PON1: variants seen among roughly 807,000 people sequenced by gnomAD.
PON1 encodes serum paraoxonase/arylesterase 1.
A neutral mutation model predicts 39.2 loss-of-function variants in PON1; 37 were observed. The observed-to-expected ratio is 0.94, with a 90% confidence interval of 0.73 to 1.24. The LOEUF is 1.24. Among genes scored for constraint, PON1 ranks in the 50% most tolerant of loss-of-function variants. The pLI is 0.00. For synonymous variants in PON1, 148 were observed against 152.2 expected (o/e 0.97, Z 0.21); for missense variants, 397 against 413.5 (o/e 0.96, Z 0.35).
At chr7:95,311,010 A>G (rs1296736548) in intron 5 of PON1, among the ~76,000 whole-genome samples, 1 of 152,224 alleles carries the variant, frequency 6.6e-6, no homozygotes, top group African/African-American at 2.4e-5. Context: ...CGGAGGCAGT[A>G]TAAGGAGGTC....
intron 8 of PON1, among the ~76,000 whole-genome samples, chr7:95,301,573 C>T (rs1807421959): frequency 6.6e-6 from 1 of 152,114 alleles, no homozygotes; most frequent in Non-Finnish European, 1.5e-5. Flanking sequence ...TCATTTCCTC[C>T]CTCCCTTGCT....
intron 5 of PON1, among the ~76,000 whole-genome samples, chr7:95,310,495 TG>T (rs1807629733): frequency 6.6e-6 from 1 of 152,196 alleles, no homozygotes; most frequent in South Asian, 2.1e-4. Context: ...TTCATCTTGA[TG>T]GGGCAGAAGA....
chr7:95,307,965 C>G (rs1240944368), intron 6 of PON1, 46 bp downstream of exon 6: 1 of 1,513,390 alleles, frequency 6.6e-7, no homozygotes, highest in South Asian at 1.1e-5. Flanking sequence ...CAAGATATCT[C>G]CTGAGAATCT....
rs1457599617 is a variant in PON1 at position 95,316,680 on chromosome 7, C to T, written c.201+54G>A. On this transcript the variant is annotated intron_variant, in intron 3 of 8. Coordinates refer to ENST00000222381, the MANE Select transcript of PON1 (RefSeq NM_000446.7). ...AGAAAGCCTAAGTGAAAGACTTAAACTGCCAGTCCTAGAAAACGTTCTAGA... is the reference window on the plus strand; with the variant it reads ...AGAAAGCCTAAGTGAAAGACTTAAATTGCCAGTCCTAGAAAACGTTCTAGA... 4.1e-6 allele frequency: 6 copies of T among 1,464,156 alleles called. No homozygotes were observed. In the Admixed American group the frequency reaches 8.4e-5, roughly 20 times the overall value. The allele number at this position is 1,464,156 out of a possible 1,614,324, so 90.7% of individuals were successfully genotyped here. A position where few individuals can be genotyped will look rare whatever the true frequency, so the allele number is the denominator to read the frequency against.
At chr7:95,300,615 C>T (rs1312934773) in intron 8 of PON1, among the ~76,000 whole-genome samples, 3 of 152,196 alleles carry the variant, frequency 2.0e-5, no homozygotes, top group African/African-American at 4.8e-5. Flanking sequence ...AATCACTCAT[C>T]TAGGGGCAGT....
At chr7:95,309,699 T>C (rs528393362) in intron 5 of PON1, among the ~76,000 whole-genome samples, 38 of 152,224 alleles carry the variant, frequency 2.5e-4, no homozygotes, top group South Asian at 2.1e-3. Context: ...CTGTATACCT[T>C]GAAAGGCTAG....
At chr7:95,304,570 G>A (rs1014464642) in intron 7 of PON1, among the ~76,000 whole-genome samples, 6 of 151,978 alleles carry the variant, frequency 3.9e-5, no homozygotes, top group Non-Finnish European at 7.4e-5. Flanking sequence ...TTGACCTCGT[G>A]ATCCACCCAC....
chr7:95,301,242 C>CA (rs922595103), intron 8 of PON1, among the ~76,000 whole-genome samples: 3 of 152,110 alleles, frequency 2.0e-5, no homozygotes, highest in Non-Finnish European at 2.9e-5. Context: ...AGACCGTGGA[C>CA]AAAAAATGGG....
chr7:95,297,843 A>G lies in PON1; in HGVS notation c.*1101T>C, dbSNP rs1175260493. 1.3e-5 allele frequency: 2 copies of G among 152,160 alleles called. No homozygotes were observed. Among genetic ancestry groups the G allele is most frequent in the Admixed American group, 6.5e-5 (1 of 15,270 alleles). 9.4% of individuals were successfully genotyped at this position (152,160 alleles called of 1,614,324 possible). On this transcript the variant is annotated 3_prime_UTR_variant, in exon 9 of 9. Transcript: ENST00000222381. ...ATTTGTTTCTAAAGTCACTGCCTTA[A>G]CACCCTGAAGAAGTAATTCATCATG... is the stretch of plus-strand genomic sequence containing the variant.
chr7:95,314,659 G>A (rs576021337), intron 4 of PON1, among the ~76,000 whole-genome samples: 4 of 152,198 alleles, frequency 2.6e-5, no homozygotes, highest in African/African-American at 4.8e-5. Flanking sequence ...TCAGACTAAC[G>A]GAATTGGAAT....
At chr7:95,299,126 T>A in intron 8 of PON1, 24 bp from the exon 9 acceptor site, 1 of 1,611,828 alleles carries the variant, frequency 6.2e-7, no homozygotes, top group Non-Finnish European at 8.5e-7. Context: ...AACATTGGGT[T>A]AATATTTTTG....
intron 5 of PON1, among the ~76,000 whole-genome samples, chr7:95,309,275 C>A (rs1335283631): frequency 6.9e-6 from 1 of 144,696 alleles, no homozygotes; most frequent in Non-Finnish European, 1.5e-5. Flanking sequence ...GCATGACATT[C>A]AATAAACCCT....
chr7:95,303,756 C>G (rs930538210), intron 7 of PON1, among the ~76,000 whole-genome samples: 3 of 152,182 alleles, frequency 2.0e-5, no homozygotes, highest in African/African-American at 7.2e-5. Context: ...TCATGCAAGA[C>G]CCCTGCGTAT....
At chr7:95,299,273 G>A (rs1432819807) in intron 8 of PON1, among the ~76,000 whole-genome samples, 171 bp from the exon 9 acceptor site, 1 of 152,130 alleles carries the variant, frequency 6.6e-6, no homozygotes, top group African/African-American at 2.4e-5. Flanking sequence ...GGGAACAGGT[G>A]GGTACTGATC....
chr7:95,311,963 T>A (rs1185319397), intron 4 of PON1, among the ~76,000 whole-genome samples: 1 of 152,180 alleles, frequency 6.6e-6, no homozygotes, highest in Non-Finnish European at 1.5e-5. Flanking sequence ...CAGGTGTAAT[T>A]TACACAGTGT....
chr7:95,314,694 G>A (rs377371286), intron 4 of PON1, among the ~76,000 whole-genome samples: 389 of 152,218 alleles, frequency 2.6e-3, no homozygotes, highest in Non-Finnish European at 4.4e-3. Flanking sequence ...GCTGGGCATC[G>A]AGTCTTTTTA....
chr7:95,298,757 A>G lies in PON1; in HGVS notation c.*187T>C, dbSNP rs758310711. 4 of 681,122 alleles carry G rather than the reference A, an allele frequency of 5.9e-6. No homozygotes were observed. Among genetic ancestry groups the G allele is most frequent in the Non-Finnish European group, 7.8e-6 (3 of 386,000 alleles). 42.2% of individuals were successfully genotyped at this position (681,122 alleles called of 1,614,324 possible). The stretch of plus-strand genomic sequence containing the variant: ...TTTCAAGTATTCCAAGACTGATTTG[A>G]TAGTGTATTCTCAAAAAAAAGCCCT... On this transcript the variant is annotated 3_prime_UTR_variant, in exon 9 of 9. Transcript: ENST00000222381.
chr7:95,318,636 C>G (rs1488422296), intron 1 of PON1: 13 of 447,876 alleles, frequency 2.9e-5, no homozygotes, highest in Non-Finnish European at 2.9e-5. Context: ...AATATCCTCT[C>G]TAGGGCTCTG....
intron 5 of PON1, among the ~76,000 whole-genome samples, chr7:95,308,556 T>C (rs1198286974): frequency 6.6e-6 from 1 of 151,642 alleles, no homozygotes; most frequent in African/African-American, 2.4e-5. Context: ...CAGTAGAAAT[T>C]AAATTAAGCC....
Sources: gnomAD v4.1 joint callset for allele counts (sites outside exome capture counted in the v4.1 genomes callset) on GRCh38, gnomAD v4.1.1 for gene constraint, MANE v1.5 for transcripts, NCBI Gene and HGNC (gene_info 2026-07-23, HGNC 2026-07-21) for gene names.